Variants in DPYD observed in about 807,000 individuals in gnomAD.
The protein encoded by DPYD is dihydropyrimidine dehydrogenase.
DPYD carries 109 observed loss-of-function variants against 116.2 expected under a neutral mutation model. The ratio of observed to expected loss-of-function variants is 0.94; its 90% CI spans 0.80 to 1.10. The LOEUF is 1.10. Among genes scored for constraint, DPYD ranks in the 50% least tolerant of loss-of-function variants. DPYD has a pLI of 0.00. For missense variants in DPYD, 1,302 were observed against 1,254.5 expected, an observed-to-expected ratio of 1.04 and a Z score of -0.57; for synonymous variants, 440 against 432.0, an observed-to-expected ratio of 1.02 and a Z score of -0.23.
At chr1:97,729,264 C>T (rs1189377303) in intron 4 of DPYD, among the ~76,000 whole-genome samples, 2 of 152,086 alleles carry the variant, frequency 1.3e-5, no homozygotes, top group East Asian at 1.9e-4. Context: ...TTGAATTCTG[C>T]TTATACTATG....
chr1:97,689,130 TAAC>T (rs1326559951), intron 7 of DPYD, among the ~76,000 whole-genome samples: 1 of 150,202 alleles, frequency 6.7e-6, no homozygotes, highest in Non-Finnish European at 1.5e-5. Context: ...AATGTACAAA[TAAC>T]AAACAAAATT....
chr1:97,680,304 A>T (rs1244899123), intron 7 of DPYD, among the ~76,000 whole-genome samples: 1 of 152,142 alleles, frequency 6.6e-6, no homozygotes, highest in Non-Finnish European at 1.5e-5. Context: ...GTGCAATGGG[A>T]TGGGGAGAGA....
At chr1:97,842,656 T>C (rs1670093471) in intron 2 of DPYD, among the ~76,000 whole-genome samples, 1 of 152,050 alleles carries the variant, frequency 6.6e-6, no homozygotes. Context: ...AGCTTAAATG[T>C]TGACTAGTTC....
At chr1:97,763,623 C>A (rs2101134339) in intron 3 of DPYD, among the ~76,000 whole-genome samples, 1 of 152,104 alleles carries the variant, frequency 6.6e-6, no homozygotes, top group South Asian at 2.1e-4. Flanking sequence ...AGTAGGAATT[C>A]AAATTTGTTG....
At chr1:97,164,417 A>G (rs1656157406) in intron 20 of DPYD, among the ~76,000 whole-genome samples, 1 of 152,086 alleles carries the variant, frequency 6.6e-6, no homozygotes, top group Non-Finnish European at 1.5e-5. Flanking sequence ...GTACTGGAAT[A>G]CCCGGCCAGA....
intron 13 of DPYD, among the ~76,000 whole-genome samples, chr1:97,499,841 A>G (rs1441429862): frequency 6.6e-6 from 1 of 151,968 alleles, no homozygotes. Context: ...TCCAAGGGTC[A>G]CTGTGAACTT....
intron 11 of DPYD, among the ~76,000 whole-genome samples, chr1:97,560,240 A>G (rs1652044375): frequency 6.6e-6 from 1 of 152,198 alleles, no homozygotes; most frequent in Admixed American, 6.6e-5. Flanking sequence ...CTAAAGCTAG[A>G]GAATAATTCC....
intron 11 of DPYD, among the ~76,000 whole-genome samples, chr1:97,570,323 C>T (rs1652807040): frequency 6.6e-6 from 1 of 151,990 alleles, no homozygotes; most frequent in Admixed American, 6.6e-5. Flanking sequence ...TAATTTATCA[C>T]TGTACTTTAT....
intron 3 of DPYD, among the ~76,000 whole-genome samples, chr1:97,768,245 TG>T (rs1360019111): frequency 6.6e-6 from 1 of 152,210 alleles, no homozygotes; most frequent in East Asian, 1.9e-4. Flanking sequence ...TGAAAGTTGC[TG>T]TATGTCTGTA....
intron 18 of DPYD, among the ~76,000 whole-genome samples, chr1:97,296,762 T>A (rs1003333666): frequency 6.6e-6 from 1 of 151,954 alleles, no homozygotes; most frequent in African/African-American, 2.4e-5. Flanking sequence ...AAAAAAAACA[T>A]AAAAATAGGA....
intron 14 of DPYD, among the ~76,000 whole-genome samples, chr1:97,431,153 T>C (rs1424539603): frequency 1.3e-5 from 2 of 152,152 alleles, no homozygotes; most frequent in Non-Finnish European, 2.9e-5. Flanking sequence ...AAAAGATTCT[T>C]ACACATAGAG....
At chr1:97,223,150 A>C (rs1422746049) in intron 19 of DPYD, among the ~76,000 whole-genome samples, 1 of 152,036 alleles carries the variant, frequency 6.6e-6, no homozygotes, top group Non-Finnish European at 1.5e-5. Context: ...TTTTTCTCTA[A>C]TTTTAATAAA....
intron 20 of DPYD, among the ~76,000 whole-genome samples, chr1:97,148,705 A>ATGTCATTT (rs1654806035): frequency 6.6e-6 from 1 of 152,182 alleles, no homozygotes; most frequent in Admixed American, 6.5e-5. Flanking sequence ...AAATGTCATA[A>ATGTCATTT]TAATGTCATC....
Position 97,827,301 on chromosome 1 carries a change from CTAAA to C in DPYD, c.233+809_233+812del, listed in dbSNP as rs59632191. 1.1e-3 allele frequency among the ~76,000 whole-genome samples: 166 copies of C among 152,062 alleles called. 3 individuals are homozygous for C. The East Asian group carries it at 0.03, about 27-fold the overall frequency. On this transcript the variant is annotated intron_variant, in intron 3 of 22. Coordinates refer to ENST00000370192, the MANE Select transcript of DPYD (RefSeq NM_000110.4). The stretch of plus-strand genomic sequence containing the variant: ...TAAAAACATATTTTAATTTTATAGG[CTAAA>C]TAAATATAAATACACTTTCTTTACA...
chr1:97,829,905 C>T (rs1386885773), intron 2 of DPYD, among the ~76,000 whole-genome samples: 1 of 151,926 alleles, frequency 6.6e-6, no homozygotes, highest in Non-Finnish European at 1.5e-5. Context: ...CTCAGCCCCC[C>T]ACCCCCAGAC....
intron 3 of DPYD, among the ~76,000 whole-genome samples, chr1:97,768,952 T>A (rs987693773): frequency 3.9e-4 from 59 of 151,582 alleles, no homozygotes; most frequent in African/African-American, 8.0e-4. Flanking sequence ...AATCAAAAAA[T>A]CTCCACAAAA....
At chr1:97,824,725 G>A (rs1669145029) in intron 3 of DPYD, among the ~76,000 whole-genome samples, 1 of 152,156 alleles carries the variant, frequency 6.6e-6, no homozygotes, top group Non-Finnish European at 1.5e-5. Context: ...GTCTTACTCT[G>A]TTAGAGAAGG....
chr1:97,128,695 C>A (rs1288623341), intron 20 of DPYD, among the ~76,000 whole-genome samples: 4 of 152,112 alleles, frequency 2.6e-5, no homozygotes, highest in Non-Finnish European at 4.4e-5. Context: ...TATATCAAGA[C>A]TCTTGCAGAC....
chr1:97,628,573 C>T (rs1038602230), intron 8 of DPYD, among the ~76,000 whole-genome samples: 2 of 151,960 alleles, frequency 1.3e-5, no homozygotes, highest in Non-Finnish European at 2.9e-5. Flanking sequence ...ATAGAAAATT[C>T]AGTACAACTT....
Sources: allele counts gnomAD v4.1 joint callset (sites outside exome capture counted in the v4.1 genomes callset), GRCh38; gene constraint gnomAD v4.1.1; transcripts MANE v1.5; gene names NCBI Gene and HGNC (gene_info 2026-07-23, HGNC 2026-07-21).